The following SSMEM1 variants were observed in gnomAD, a reference collection of about 807,000 sequenced individuals.
SSMEM1 encodes serine-rich single-pass membrane protein 1.
A neutral mutation model predicts 9.9 loss-of-function variants in SSMEM1; 12 were observed. The ratio of observed to expected loss-of-function variants is 1.21; its 90% CI spans 0.78 to 1.96. The LOEUF (loss-of-function observed/expected upper bound fraction) is 1.96. Ranked by LOEUF, SSMEM1 falls within the 30% of genes most tolerant of loss-of-function variation. SSMEM1 has a pLI of 0.00. For missense variants in SSMEM1, 259 were observed against 292.2 expected, an observed-to-expected ratio of 0.89 and a Z score of 0.83; for synonymous variants, 96 against 98.9, an observed-to-expected ratio of 0.97 and a Z score of 0.17.
upstream of SSMEM1, chr7:130,205,465 T>C (rs772854251): frequency 2.5e-6 from 4 of 1,600,758 alleles, no homozygotes; most frequent in Non-Finnish European, 3.4e-6. Flanking sequence ...CAAGCGGCTC[T>C]AAAGTTACCG....
chr7:130,210,296 C>G (rs1461697759), intron 1 of SSMEM1, among the ~76,000 whole-genome samples: 1 of 152,120 alleles, frequency 6.6e-6, no homozygotes, highest in African/African-American at 2.4e-5. Flanking sequence ...AATATGAGAG[C>G]TAGTAAAGGA....
intron 1 of SSMEM1, among the ~76,000 whole-genome samples, chr7:130,212,374 T>G (rs1300827306): frequency 6.6e-6 from 1 of 152,214 alleles, no homozygotes; most frequent in East Asian, 1.9e-4. Context: ...GTATGGTAGA[T>G]GTCTTCTGTC....
At chr7:130,205,939 C>T (rs927408202), upstream of SSMEM1, among the ~76,000 whole-genome samples, 1 of 152,094 alleles carries the variant, frequency 6.6e-6, no homozygotes, top group Non-Finnish European at 1.5e-5. Flanking sequence ...GCCTCCCAAA[C>T]GCCTGCTGGC....
chr7:130,214,040 A>T (rs1352302734), intron 2 of SSMEM1, among the ~76,000 whole-genome samples: 1 of 152,220 alleles, frequency 6.6e-6, no homozygotes, highest in South Asian at 2.1e-4. Flanking sequence ...ACTGTCTATG[A>T]CATCTTTTTC....
chr7:130,210,396 C>T (rs1345480113), intron 1 of SSMEM1, among the ~76,000 whole-genome samples: 1 of 152,166 alleles, frequency 6.6e-6, no homozygotes, highest in African/African-American at 2.4e-5. Context: ...ATGGTAAAAG[C>T]ACGATGGAAA....
At chr7:130,206,648 T>C (rs1267510684), upstream of SSMEM1, among the ~76,000 whole-genome samples, 1 of 152,226 alleles carries the variant, frequency 6.6e-6, no homozygotes, top group Non-Finnish European at 1.5e-5. Context: ...AGAGATGAAC[T>C]AACTGGAAAA....
chr7:130,205,559 G>A (rs1032946432), upstream of SSMEM1: 36 of 879,578 alleles, frequency 4.1e-5, no homozygotes, highest in Admixed American at 7.9e-4. Flanking sequence ...AACAGGTCTC[G>A]GTTTTGCGGC....
In SSMEM1 at chr7:130,216,196, AG is replaced by A; in HGVS notation, c.462del (p.Glu154AspfsTer40). On this transcript the variant is annotated frameshift_variant, in exon 3 of 3. Coordinates refer to ENST00000297819, the MANE Select transcript of SSMEM1 (RefSeq NM_145268.4). LOFTEE classifies it low-confidence loss of function (END_TRUNC). ...DSDTTEYGSE[E>X]SNSEASSWKE... ...GATACTACGGAGTATGGCAGTGAAG[AG>A]TCTAACTCAGAAGCCTCCTCGTGGA... 1 of 1,614,194 alleles carries A rather than the reference AG, an allele frequency of 6.2e-7. No individual in the cohort carries two copies. Among genetic ancestry groups the A allele is most frequent in the Non-Finnish European group, 8.5e-7 (1 of 1,180,032 alleles).
intron 2 of SSMEM1, among the ~76,000 whole-genome samples, chr7:130,214,822 G>C (rs1283117676): frequency 6.6e-6 from 1 of 152,176 alleles, no homozygotes; most frequent in Non-Finnish European, 1.5e-5. Context: ...TATGTAATCT[G>C]CATTAGTAAC....
upstream of SSMEM1, chr7:130,205,424 G>A (rs760086746): frequency 8.7e-6 from 14 of 1,613,138 alleles, no homozygotes; most frequent in Admixed American, 6.7e-5. Context: ...CTGGGCATGC[G>A]CAAAGCCAAG....
At chr7:130,208,638 T>G (rs1313181719) in intron 1 of SSMEM1, among the ~76,000 whole-genome samples, 1 of 152,220 alleles carries the variant, frequency 6.6e-6, no homozygotes, top group East Asian at 1.9e-4. Context: ...CAAATCCCTT[T>G]TCTAGCCATG....
chr7:130,206,259 G>T (rs1287549707), upstream of SSMEM1, among the ~76,000 whole-genome samples: 1 of 152,122 alleles, frequency 6.6e-6, no homozygotes, highest in East Asian at 1.9e-4. Flanking sequence ...CCCCAGCGGA[G>T]GCCCACAGAT....
In SSMEM1 at chr7:130,216,290, A is replaced by G; in HGVS notation, c.555A>G (p.Gln185=). ...AGAGGAGAAAAATGGCTCAGAGGCA[A>G]AGGAATCTGGGAAGTTACCAAATGA... ...SIKRRKMAQR[Q]RNLGSYQMSE... Residue 185 remains glutamine, a synonymous_variant, in exon 3 of 3, where the codon CAA becomes CAG. Transcript: ENST00000297819. The G allele has an allele frequency of 1.2e-6, 2 of 1,614,210 alleles. No individual in the cohort carries two copies.
chr7:130,206,298 A>G (rs911839991), upstream of SSMEM1, among the ~76,000 whole-genome samples: 13 of 152,180 alleles, frequency 8.5e-5, no homozygotes, highest in Non-Finnish European at 7.4e-5. Context: ...AGGTGGATGC[A>G]GTGCTCCCCA....
Position 130,213,544 on chromosome 7 carries a change from A to G in SSMEM1, c.238+10A>G, listed in dbSNP as rs1333454564. ...ACTTCAGTAAGGAAAGGTGAGAACC[A>G]GTGCATATTTGGTGTTGGACTATGA... On this transcript the variant is annotated intron_variant, in intron 2 of 2. Coordinates refer to ENST00000297819, the MANE Select transcript of SSMEM1 (RefSeq NM_145268.4). 1.9e-6 allele frequency: 3 copies of G among 1,610,568 alleles called. No homozygotes were observed. The African/African-American group carries it at 4.0e-5, about 22-fold the overall frequency.
At chr7:130,213,025 A>G (rs1798621268) in intron 1 of SSMEM1, among the ~76,000 whole-genome samples, 1 of 152,208 alleles carries the variant, frequency 6.6e-6, no homozygotes, top group African/African-American at 2.4e-5. Flanking sequence ...TAACTCAGTA[A>G]GTACTTGTTT....
Position 130,216,427 on chromosome 7 carries a change from A to C in SSMEM1, c.692A>C (p.Glu231Ala). The part of the protein sequence containing the change: ...TPPMKRDSQE[E>A]SSISDINKKF... ...CCAATGAAAAGAGACAGTCAAGAGG[A>C]AAGTTCCATATCTGACATTAACAAG... The change falls in exon 3 of 3, where the codon GAA becomes GCA. Residue 231 changes from glutamate to alanine, a missense_variant. Glu to Ala is a moderately radical substitution (Grantham distance 107). Transcript: ENST00000297819. 6.2e-7 allele frequency: 1 copy of C among 1,614,044 alleles called. No homozygotes were observed. The highest frequency in any genetic ancestry group is 8.5e-7 in the Non-Finnish European group (1 of 1,179,910).
At chr7:130,213,709 A>G (rs990485827) in intron 2 of SSMEM1, among the ~76,000 whole-genome samples, 175 bp downstream of exon 2, 12 of 149,844 alleles carry the variant, frequency 8.0e-5, no homozygotes, top group African/African-American at 1.9e-4. Context: ...AAAAAAAAAA[A>G]AAAAAGAAAA....
intron 1 of SSMEM1, among the ~76,000 whole-genome samples, chr7:130,209,566 G>A (rs1798553011): frequency 6.6e-6 from 1 of 152,060 alleles, no homozygotes; most frequent in African/African-American, 2.4e-5. Context: ...TGAATTAAGA[G>A]GTCTAAGCTA....
Sources: allele counts gnomAD v4.1 joint callset (sites outside exome capture counted in the v4.1 genomes callset), GRCh38; gene constraint gnomAD v4.1.1; transcripts MANE v1.5; gene names NCBI Gene and HGNC (gene_info 2026-07-23, HGNC 2026-07-21).